The following CADPS variants were observed in gnomAD, a reference collection of about 807,000 sequenced individuals.
CADPS encodes calcium-dependent secretion activator 1.
Under a neutral mutation model 167.3 loss-of-function variants are expected in CADPS, and 57 were observed. That is an observed-to-expected ratio of 0.34 (90% CI 0.28 to 0.42). The LOEUF (loss-of-function observed/expected upper bound fraction) is 0.42, where lower values mean the gene tolerates loss of function less well. Among genes scored for constraint, CADPS ranks in the 20% least tolerant of loss-of-function variants. CADPS has a pLI of 1.00. For missense variants in CADPS, 1,414 were observed against 1,738.1 expected (o/e 0.81, Z 3.32); for synonymous variants, 676 against 635.3 (o/e 1.06, Z -0.96).
intron 24 of CADPS, among the ~76,000 whole-genome samples, chr3:62,471,616 C>A (rs2060630694): frequency 6.6e-6 from 1 of 151,894 alleles, no homozygotes; most frequent in Non-Finnish European, 1.5e-5. Flanking sequence ...GAAACATGGC[C>A]GTCATTGAAT....
chr3:62,788,296 G>T (rs17067188), intron 1 of CADPS, among the ~76,000 whole-genome samples: 15 of 152,052 alleles, frequency 9.9e-5, no homozygotes, highest in Non-Finnish European at 1.3e-4. Flanking sequence ...ATAACCATAC[G>T]TATTGTTACT....
rs2073440473 is a variant in CADPS at position 62,662,297 on chromosome 3, C to T, written c.969+17G>A. ...CTTTGGCCTGGACCCCAGCAAACAA[C>T]CACAATGTTTCCTTACCCTGGCTAT... On this transcript the variant is annotated intron_variant, in intron 4 of 29. Transcript: ENST00000383710. 1.2e-6 allele frequency: 2 copies of T among 1,610,008 alleles called. No individual in the cohort carries two copies. The highest frequency in any genetic ancestry group is 1.7e-6 in the Non-Finnish European group (2 of 1,176,376).
intron 1 of CADPS, among the ~76,000 whole-genome samples, chr3:62,853,623 T>TAAAAA (rs71126559): frequency 1.7e-5 from 2 of 118,306 alleles, no homozygotes; most frequent in Non-Finnish European, 3.4e-5. Flanking sequence ...AAAACTCCAC[T>TAAAAA]AAAAAAAAAA....
intron 5 of CADPS, among the ~76,000 whole-genome samples, chr3:62,649,538 G>A (rs144917658): frequency 0.088 from 10,185 of 115,832 alleles, 475 homozygotes; most frequent in South Asian, 0.17. Context: ...CATACAATAT[G>A]TGGTCTTTTT....
chr3:62,558,690 A>G (rs2078626629), intron 9 of CADPS, among the ~76,000 whole-genome samples: 2 of 152,080 alleles, frequency 1.3e-5, no homozygotes. Flanking sequence ...GTCCCAGTGG[A>G]GAGATGAAGG....
intron 26 of CADPS, among the ~76,000 whole-genome samples, chr3:62,452,266 G>A (rs1205764527): frequency 2.0e-5 from 3 of 152,122 alleles, no homozygotes; most frequent in Non-Finnish European, 4.4e-5. Flanking sequence ...GGAAAGTCAG[G>A]TTGTTTTAGT....
intron 1 of CADPS, among the ~76,000 whole-genome samples, chr3:62,823,191 G>A (rs541272296): frequency 1.3e-4 from 20 of 152,308 alleles, no homozygotes; most frequent in Non-Finnish European, 2.2e-4. Context: ...ACTAACTCAG[G>A]TGGTAAGACT....
intron 3 of CADPS, among the ~76,000 whole-genome samples, chr3:62,676,808 G>A (rs183163758): frequency 6.6e-6 from 1 of 152,232 alleles, no homozygotes; most frequent in Non-Finnish European, 1.5e-5. Flanking sequence ...CCTGACATGT[G>A]CAGTTGTGTT....
At position 62,631,555 on chromosome 3, in the gene CADPS, C is replaced by T. The variant is rs569076980; in HGVS notation, c.1325+14167G>A. Among the ~76,000 whole-genome samples the T allele has an allele frequency of 3.9e-5, 6 of 152,240 alleles. No homozygotes were observed. The East Asian group carries it at 1.2e-3, about 29-fold the overall frequency. On this transcript the variant is annotated intron_variant, in intron 6 of 29. Coordinates refer to ENST00000383710, the MANE Select transcript of CADPS (RefSeq NM_003716.4). ...CAAATATAACTAAGACATTAATTGC[C>T]CTCAGTTCCATGTACAAACACCACA...
intron 6 of CADPS, among the ~76,000 whole-genome samples, chr3:62,629,187 T>C (rs531581317): frequency 8.5e-5 from 13 of 152,296 alleles, no homozygotes; most frequent in South Asian, 2.1e-4. Flanking sequence ...TGACTGTTTT[T>C]GTAAATTTAT....
At chr3:62,643,977 G>T (rs2067986235) in intron 6 of CADPS, among the ~76,000 whole-genome samples, 1 of 152,192 alleles carries the variant, frequency 6.6e-6, no homozygotes, top group African/African-American at 2.4e-5. Flanking sequence ...AAGGGAGGAA[G>T]GGTGACGTGT....
intron 3 of CADPS, among the ~76,000 whole-genome samples, chr3:62,672,879 G>C (rs1165339759): frequency 6.6e-6 from 1 of 152,094 alleles, no homozygotes; most frequent in Non-Finnish European, 1.5e-5. Context: ...CCTCCTAGAG[G>C]GCTGGGATTA....
intron 7 of CADPS, among the ~76,000 whole-genome samples, chr3:62,587,743 C>T (rs1351979174): frequency 1.3e-5 from 2 of 152,182 alleles, no homozygotes; most frequent in Non-Finnish European, 2.9e-5. Flanking sequence ...AGCTCATTAC[C>T]GGCTATGCCA....
intron 8 of CADPS, among the ~76,000 whole-genome samples, chr3:62,582,941 C>T (rs1165630837): frequency 1.3e-5 from 2 of 152,128 alleles, no homozygotes; most frequent in South Asian, 2.1e-4. Flanking sequence ...GGGCATTCAT[C>T]CAATAGGGAA....
At chr3:62,484,314 G>A (rs1381425080) in intron 21 of CADPS, among the ~76,000 whole-genome samples, 1 of 152,048 alleles carries the variant, frequency 6.6e-6, no homozygotes, top group African/African-American at 2.4e-5. Flanking sequence ...GTAATTCTAA[G>A]CATAATATTT....
At chr3:62,504,904 C>G (rs1039464014) in intron 17 of CADPS, among the ~76,000 whole-genome samples, 12 of 152,272 alleles carry the variant, frequency 7.9e-5, no homozygotes, top group South Asian at 4.1e-4. Flanking sequence ...AACTCTGGCT[C>G]TAGCTAGTGA....
Position 62,421,103 on chromosome 3 carries a change from T to C in CADPS, c.3777+17001A>G, listed in dbSNP as rs375477514. On this transcript the variant is annotated intron_variant, in intron 28 of 29. Coordinates refer to ENST00000383710, the MANE Select transcript of CADPS (RefSeq NM_003716.4). The surrounding 1 kb of genome is among the most constrained non-coding windows in gnomAD (Gnocchi z 4.7). ...TAAGAAGTCTGCGTCAGGTCCCCCA[T>C]TGAAGTGTTCAGATGGGTCTAGGGC... Among the ~76,000 whole-genome samples the C allele has an allele frequency of 9.3e-4, 142 of 152,206 alleles. 1 individual carries two copies. The highest frequency in any genetic ancestry group is 7.7e-3 in the South Asian group (37 of 4,824).
Position 62,399,353 on chromosome 3 carries a change from G to A in CADPS, c.*53C>T. 7 of 1,554,806 alleles carry A rather than the reference G, an allele frequency of 4.5e-6. No homozygotes were observed. The highest frequency in any genetic ancestry group is 6.2e-6 in the Non-Finnish European group (7 of 1,129,160). On this transcript the variant is annotated 3_prime_UTR_variant, in exon 30 of 30. Transcript: ENST00000383710. The surrounding 1 kb of genome is among the most constrained non-coding windows in gnomAD (Gnocchi z 5.6). The stretch of plus-strand genomic sequence containing the variant: ...CTAATGGGTTTAACTAACAGACTAA[G>A]GACATGCACTGATTACAGGACTCTG...
intron 18 of CADPS, among the ~76,000 whole-genome samples, chr3:62,497,117 A>G (rs1302577721): frequency 2.0e-5 from 3 of 152,216 alleles, no homozygotes. Context: ...GGATTAACAC[A>G]GCGAGAAAGG....
Sources: gnomAD v4.1 joint callset for allele counts (sites outside exome capture counted in the v4.1 genomes callset) on GRCh38, gnomAD v4.1.1 for gene constraint, Gnocchi (gnomAD v3.1) non-coding constraint, MANE v1.5 for transcripts, NCBI Gene and HGNC (gene_info 2026-07-23, HGNC 2026-07-21) for gene names.